The following C2orf78 variants were observed in gnomAD, a reference collection of about 807,000 sequenced individuals.
C2orf78 encodes chromosome 2 open reading frame 78, also known as uncharacterized protein C2orf78.
C2orf78 carries 12 observed loss-of-function variants against 21.4 expected under a neutral mutation model. That is an observed-to-expected ratio of 0.56 (90% CI 0.36 to 0.91). The LOEUF is 0.91. Ranked by LOEUF, C2orf78 falls within the 40% of genes least tolerant of loss-of-function variation. The probability of loss-of-function intolerance (pLI) is 0.01; values close to 1 mark genes in which losing one functional copy is unlikely to be tolerated. For synonymous variants in C2orf78, 396 were observed against 413.9 expected (o/e 0.96, Z 0.52); for missense variants, 1,042 against 1,092.4 (o/e 0.95, Z 0.65).
chr2:73,813,951 C>T lies in C2orf78; in HGVS notation c.572C>T (p.Thr191Ile), dbSNP rs749065248. The change falls in exon 2 of 3, where the codon ACT becomes ATT. Residue 191 changes from threonine (T) to isoleucine (I), a missense_variant. By Grantham distance (89) the Thr-to-Ile change is moderately conservative. This residue lies in a region of C2orf78 where 1,039 missense variants were observed against 1,069.7 expected (regional missense o/e 0.97). Coordinates refer to ENST00000409561, the Ensembl canonical transcript of C2orf78. ...GCCAGCCTTGTTCAGGGGACACTAA[C>T]TCAAATTCCAAATCAGCAGGGCCAT... 8.1e-6 allele frequency: 13 copies of T among 1,614,042 alleles called. No homozygotes were observed. In the South Asian group the frequency reaches 1.3e-4, roughly 16 times the overall value.
At chr2:73,785,796 C>A (rs71418708) in intron 1 of C2orf78, among the ~76,000 whole-genome samples, 5 of 151,926 alleles carry the variant, frequency 3.3e-5, no homozygotes, top group Admixed American at 2.0e-4. Flanking sequence ...CCTGTAATCC[C>A]AGCACTTTGG....
chr2:73,813,584 A>G (rs890986983), exon 2 of C2orf78: 1 of 1,614,046 alleles, frequency 6.2e-7, no homozygotes, highest in African/African-American at 1.3e-5. Flanking sequence ...CAACTTCTCC[A>G]GAGCCTCTGC....
At chr2:73,814,299 G>A in intron 2 of C2orf78, 73 bp downstream of exon 2, 2 of 1,463,250 alleles carry the variant, frequency 1.4e-6, no homozygotes, top group East Asian at 2.3e-5. Context: ...GTAGCGAGTG[G>A]TGAGTCCGTG....
intron 1 of C2orf78, among the ~76,000 whole-genome samples, chr2:73,808,310 A>T (rs1435014690): frequency 6.6e-6 from 1 of 151,142 alleles, no homozygotes; most frequent in East Asian, 1.9e-4. Context: ...AGATTCACTG[A>T]AATAGTTTTA....
intron 1 of C2orf78, among the ~76,000 whole-genome samples, chr2:73,810,771 T>C (rs560305568): frequency 5.5e-4 from 70 of 127,630 alleles, no homozygotes; most frequent in Non-Finnish European, 9.5e-4. Flanking sequence ...ATAATATATA[T>C]ATAAAATATA....
chr2:73,815,492 G>A (rs1216100336), exon 3 of C2orf78: 1 of 1,613,806 alleles, frequency 6.2e-7, no homozygotes, highest in East Asian at 2.2e-5. Flanking sequence ...ATAAGAGCCT[G>A]AGTCTTGAGG....
chr2:73,811,991 A>G (rs549939687), intron 1 of C2orf78, among the ~76,000 whole-genome samples: 33 of 152,250 alleles, frequency 2.2e-4, no homozygotes, highest in African/African-American at 7.0e-4. Flanking sequence ...CACATATATT[A>G]TGGCTATTTT....
chr2:73,813,485 C>A, exon 2 of C2orf78: 1 of 1,596,512 alleles, frequency 6.3e-7, no homozygotes. Context: ...AGAATATTTC[C>A]AAAATACGTC....
exon 3 of C2orf78, chr2:73,817,047 T>G: frequency 1.4e-6 from 2 of 1,457,222 alleles, no homozygotes; most frequent in South Asian, 3.1e-5. Flanking sequence ...CATATATAGA[T>G]AGATACTAAT....
At chr2:73,813,448 T>G (rs1354247403) in intron 1 of C2orf78, 29 bp from the exon 2 acceptor site, 1 of 1,534,468 alleles carries the variant, frequency 6.5e-7, no homozygotes, top group Non-Finnish European at 8.7e-7. Flanking sequence ...CTCTCATCGG[T>G]TTTTTCATCT....
chr2:73,815,739 G>A, exon 3 of C2orf78: 1 of 1,613,450 alleles, frequency 6.2e-7, no homozygotes, highest in Non-Finnish European at 8.5e-7. Context: ...CAAGCATAAA[G>A]CTTCCGAGCC....
chr2:73,810,748 A>G (rs1248175392), intron 1 of C2orf78, among the ~76,000 whole-genome samples: 2 of 132,108 alleles, frequency 1.5e-5, no homozygotes, highest in African/African-American at 5.7e-5. Context: ...ATACATGTAT[A>G]TTTTATGTAT....
chr2:73,808,797 C>T (rs1433044173), intron 1 of C2orf78: 1 of 1,432,728 alleles, frequency 7.0e-7, no homozygotes, highest in South Asian at 1.2e-5. Flanking sequence ...GGCCTTCATA[C>T]TGGACACATG....
intron 1 of C2orf78, chr2:73,808,690 A>T: frequency 6.7e-7 from 1 of 1,495,720 alleles, no homozygotes; most frequent in African/African-American, 1.4e-5. Flanking sequence ...TCTCCCACCA[A>T]ACCAACTGCC....
At chr2:73,812,215 A>G (rs1360682714) in intron 1 of C2orf78, among the ~76,000 whole-genome samples, 1 of 152,202 alleles carries the variant, frequency 6.6e-6, no homozygotes, top group Non-Finnish European at 1.5e-5. Context: ...GATACTATTC[A>G]GTTTCCTAAT....
At chr2:73,808,300 A>C (rs1444135937) in intron 1 of C2orf78, among the ~76,000 whole-genome samples, 1 of 151,134 alleles carries the variant, frequency 6.6e-6, no homozygotes, top group Non-Finnish European at 1.5e-5. Context: ...TTCATTAATC[A>C]GATTCACTGA....
chr2:73,810,172 T>A (rs1673050428), intron 1 of C2orf78, among the ~76,000 whole-genome samples: 1 of 152,114 alleles, frequency 6.6e-6, no homozygotes, highest in African/African-American at 2.4e-5. Context: ...ATTCAGTTGT[T>A]TTTTTTCTGT....
At chr2:73,816,842 A>G in exon 3 of C2orf78, 1 of 1,614,052 alleles carries the variant, frequency 6.2e-7, no homozygotes. Context: ...CCATCACAGA[A>G]GAGCAGAGGC....
At position 73,816,511 on chromosome 2, in the gene C2orf78, A is replaced by G. The variant is rs773045895; in HGVS notation, c.2288A>G (p.Asn763Ser). The change falls in exon 3 of 3, where the codon AAT becomes AGT. Residue 763 changes from asparagine (N) to serine (S), a missense_variant. This residue lies in a region of C2orf78 where 1,039 missense variants were observed against 1,069.7 expected (regional missense o/e 0.97). Coordinates refer to ENST00000409561, the Ensembl canonical transcript of C2orf78. ...GATTCTACTAACTCAGCTCAATCGA[A>G]TGCAGTCAATCCATCCCGACCAGCT... is the stretch of plus-strand genomic sequence containing the variant. 6 of 1,613,798 alleles carry G rather than the reference A, an allele frequency of 3.7e-6. No homozygotes were observed. The South Asian group carries it at 6.6e-5, about 18-fold the overall frequency.
Sources: allele counts gnomAD v4.1 joint callset (sites outside exome capture counted in the v4.1 genomes callset), GRCh38; gene constraint gnomAD v4.1.1; regional missense constraint gnomAD v4.1.1; transcripts MANE v1.5; gene names NCBI Gene and HGNC (gene_info 2026-07-23, HGNC 2026-07-21).